ASNS: variants seen among roughly 807,000 people sequenced by gnomAD.
ASNS encodes the protein asparagine synthetase (glutamine-hydrolyzing), also known as asparagine synthetase [glutamine-hydrolyzing].
ASNS carries 37 observed loss-of-function variants against 62.6 expected under a neutral mutation model. The ratio of observed to expected loss-of-function variants is 0.59; its 90% CI spans 0.45 to 0.78. The LOEUF is 0.78. Ranked by LOEUF, ASNS falls within the 30% of genes least tolerant of loss-of-function variation. The pLI, the probability that ASNS is intolerant of heterozygous loss-of-function variation, is 0.00. For missense variants in ASNS, 520 were observed against 682.4 expected (o/e 0.76, Z 2.65); for synonymous variants, 207 against 237.9 (o/e 0.87, Z 1.19).
the ASNS span, among the ~76,000 whole-genome samples, chr7:97,900,359 T>TAAAAAAAAAAAAAAAAAA: frequency 3.4e-5 from 2 of 58,386 alleles, 1 homozygote. Context: ...AGACTTTGTC[T>TAAAAAAAAAAAAAAAAAA]CAAAAAAAAA....
Position 97,859,047 on chromosome 7 carries a change from G to T in ASNS, c.674-92C>A, listed in dbSNP as rs534143992. 6.6e-5 allele frequency: 92 copies of T among 1,397,082 alleles called. No individual in the cohort carries two copies. The East Asian group carries it at 2.0e-3, about 31-fold the overall frequency. The allele number at this position is 1,397,082 out of a possible 1,614,324, so 86.5% of individuals were successfully genotyped here. On this transcript the variant is annotated intron_variant, in intron 5 of 12. Coordinates refer to ENST00000394308, the MANE Select transcript of ASNS (RefSeq NM_001673.5). ...ATACACAATCATCAACATCTATCAT[G>T]ATGGTATTTACTCAATGGTGGAGTG...
rs566413791 is a variant in ASNS, at chr7:97,862,615, C to T, written c.487+1644G>A. 3.3e-5 allele frequency among the ~76,000 whole-genome samples: 5 copies of T among 152,020 alleles called. No homozygotes were observed. The East Asian group carries it at 9.7e-4, about 29-fold the overall frequency. On this transcript the variant is annotated intron_variant, in intron 4 of 12. Coordinates refer to ENST00000394308, the MANE Select transcript of ASNS (RefSeq NM_001673.5). ...AGTGAACCCTTATGTAAACTATGAA[C>T]TTCAGTTAATATATAAGTATCAGTT...
Position 97,864,439 on chromosome 7 carries a change from G to A in ASNS, c.307C>T (p.His103Tyr), listed in dbSNP as rs1281150763. The stretch of plus-strand genomic sequence containing the variant: ...TCAATTCCTCCTTTGTCATAAAGAT[G>A]AAGGATTATCTCACCATCCACTTTG... ...QTKVDGEIIL[H>Y]LYDKGGIEQT... Residue 103 changes from histidine (H) to tyrosine (Y), a missense_variant, in exon 4 of 13, where the codon CAT (histidine) becomes TAT (tyrosine). Transcript: ENST00000394308. 3 of 1,613,962 alleles carry A rather than the reference G, an allele frequency of 1.9e-6. No homozygotes were observed. Among genetic ancestry groups the A allele is most frequent in the Non-Finnish European group, 2.5e-6 (3 of 1,179,922 alleles).
the ASNS span, among the ~76,000 whole-genome samples, chr7:97,900,360 C>CAAAAAAAAAAAAAAA: frequency 2.2e-5 from 2 of 89,384 alleles, no homozygotes; most frequent in Non-Finnish European, 4.0e-5. Flanking sequence ...GACTTTGTCT[C>CAAAAAAAAAAAAAAA]AAAAAAAAAA....
chr7:97,869,331 A>T, intron 2 of ASNS, 152 bp from the exon 3 acceptor site: 2 of 858,004 alleles, frequency 2.3e-6, no homozygotes, highest in Non-Finnish European at 3.5e-6. Context: ...TGGCAGGCAC[A>T]TGGGAGTAGA....
At chr7:97,901,595 G>A in the ASNS span, among the ~76,000 whole-genome samples, 3 of 152,222 alleles carry the variant, frequency 2.0e-5, no homozygotes, top group Admixed American at 1.3e-4. Context: ...AACTCTGGAA[G>A]TATAGAAGAT....
At chr7:97,894,720 A>G in the ASNS span, among the ~76,000 whole-genome samples, 1 of 152,108 alleles carries the variant, frequency 6.6e-6, no homozygotes, top group East Asian at 1.9e-4. Flanking sequence ...AGCAGGTTTG[A>G]CTCAGTAACA....
intron 9 of ASNS, 39 bp from the exon 10 acceptor site, chr7:97,854,719 G>C (rs751396848): frequency 6.2e-7 from 1 of 1,613,082 alleles, no homozygotes; most frequent in Non-Finnish European, 8.5e-7. Flanking sequence ...TTTGCTTTTG[G>C]CACACAAAGC....
At chr7:97,870,640 T>C (rs1237897441) in intron 1 of ASNS, among the ~76,000 whole-genome samples, 1 of 152,226 alleles carries the variant, frequency 6.6e-6, no homozygotes, top group African/African-American at 2.4e-5. Context: ...TAACAAATTA[T>C]TTGAGATTTA....
the ASNS span, among the ~76,000 whole-genome samples, chr7:97,894,739 C>A: frequency 6.6e-6 from 1 of 152,104 alleles, no homozygotes; most frequent in Non-Finnish European, 1.5e-5. Flanking sequence ...CATAAAGTCT[C>A]CCAAAAGAGA....
chr7:97,893,005 C>A, the ASNS span, among the ~76,000 whole-genome samples: 7 of 152,242 alleles, frequency 4.6e-5, no homozygotes, highest in African/African-American at 1.7e-4. Context: ...CTGATAAAGA[C>A]ACATTCAAGA....
chr7:97,871,041 G>A (rs1052998982), intron 1 of ASNS, among the ~76,000 whole-genome samples: 2 of 152,078 alleles, frequency 1.3e-5, no homozygotes, highest in East Asian at 3.8e-4. Flanking sequence ...GAACAGTGCT[G>A]TCCAATAAAT....
upstream of ASNS, among the ~76,000 whole-genome samples, chr7:97,876,620 G>A (rs1401110474): frequency 6.6e-6 from 1 of 151,832 alleles, no homozygotes; most frequent in Non-Finnish European, 1.5e-5. Flanking sequence ...TAGAGACGGG[G>A]TTTCACCATG....
intron 8 of ASNS, among the ~76,000 whole-genome samples, chr7:97,855,842 AT>A (rs1791410589): frequency 1.3e-5 from 2 of 152,180 alleles, no homozygotes; most frequent in Non-Finnish European, 2.9e-5. Context: ...TTTAGTGTTA[AT>A]TTTGATGGGT....
At position 97,869,012 on chromosome 7, in the gene ASNS, G is replaced by A. The variant is rs111953545; in HGVS notation, c.145C>T (p.Arg49Trp). 1.5e-5 allele frequency: 24 copies of A among 1,614,016 alleles called. No individual in the cohort carries two copies. Among genetic ancestry groups the A allele is most frequent in the South Asian group, 1.3e-4 (12 of 91,082 alleles). Residue 49 changes from arginine to tryptophan, a missense_variant, in exon 3 of 13, where the codon CGG becomes TGG. Transcript: ENST00000394308. The stretch of plus-strand genomic sequence containing the variant: ...AACAGCGGGTCAACTACCGCCAACC[G>A]GTGAAATCCAAAGCAGCAGTTGGTG... ...GYTNCCFGFH[R>W]LAVVDPLFGM...
At chr7:97,875,583 C>T (rs6945774), upstream of ASNS, among the ~76,000 whole-genome samples, 5 of 152,172 alleles carry the variant, frequency 3.3e-5, no homozygotes, top group African/African-American at 7.2e-5. Context: ...TCAGGGGAAA[C>T]GGAATGTGGT....
rs1183719858 is a variant in ASNS, at chr7:97,851,885, C to T, written c.*374G>A. The T allele has an allele frequency of 3.5e-5, 8 of 225,620 alleles. No individual in the cohort carries two copies. The highest frequency in any genetic ancestry group is 2.1e-4 in the Admixed American group (4 of 19,200). 14.0% of individuals were successfully genotyped at this position (225,620 alleles called of 1,614,324 possible). On this transcript the variant is annotated 3_prime_UTR_variant, in exon 13 of 13. Transcript: ENST00000394308. ...GCAGCTGTTAGGAATGTAGGCAGAA[C>T]AAAAATAGTGTAGTCCTTTGATGAC... is the stretch of plus-strand genomic sequence containing the variant.
the ASNS span, chr7:97,928,064 C>T: frequency 6.8e-7 from 1 of 1,463,520 alleles, no homozygotes; most frequent in Non-Finnish European, 9.2e-7. Flanking sequence ...CCCGGACCCC[C>T]GCGCCCGCGT....
chr7:97,903,525 C>A, the ASNS span, among the ~76,000 whole-genome samples: 1 of 152,202 alleles, frequency 6.6e-6, no homozygotes, highest in Non-Finnish European at 1.5e-5. Flanking sequence ...ACAGGAGAAA[C>A]GCACCATTCA....
Sources: gnomAD v4.1 joint callset for allele counts (sites outside exome capture counted in the v4.1 genomes callset) on GRCh38, gnomAD v4.1.1 for gene constraint, MANE v1.5 for transcripts, NCBI Gene and HGNC (gene_info 2026-07-23, HGNC 2026-07-21) for gene names.